The following COL2A1 variants were observed in gnomAD, a reference collection of about 807,000 sequenced individuals.
COL2A1 encodes the protein collagen alpha-1(II) chain.
In COL2A1, 28 loss-of-function variants were observed where a neutral mutation model predicts 204.5. The observed-to-expected ratio is 0.14, with a 90% CI of 0.10 to 0.19. The LOEUF is 0.19. Ranked by LOEUF, COL2A1 falls within the 10% of genes least tolerant of loss-of-function variation. The pLI is 1.00. For synonymous variants in COL2A1, 708 were observed against 718.7 expected, an observed-to-expected ratio of 0.99 and a Z score of 0.24; for missense variants, 1,388 against 2,027.5, an observed-to-expected ratio of 0.68 and a Z score of 6.06.
Position 47,973,032 on chromosome 12 carries a change from C to A in COL2A1, c.*375G>T. 1 of 522,724 alleles carries A rather than the reference C, an allele frequency of 1.9e-6. No homozygotes were observed. 32.4% of individuals were successfully genotyped at this position (522,724 alleles called of 1,614,324 possible). A position where few individuals can be genotyped will look rare whatever the true frequency, so the allele number is the denominator to read the frequency against. On this transcript the variant is annotated 3_prime_UTR_variant, in exon 54 of 54. Transcript: ENST00000380518. ...TTTTAAAAAATACAGAGGTGTTTGA[C>A]ACAGAATAGCACCATTGTGTAGGAC...
Position 47,978,882 on chromosome 12 carries a change from A to G in COL2A1, c.2734-124T>C. ...GGGGCTTCTCTACCTCCCCACACTA[A>G]GGGCAGGCAGCTTAACCCCCCCAAC... On this transcript the variant is annotated intron_variant, in intron 41 of 53. Transcript: ENST00000380518. This position sits in a 1 kb window ranked among gnomAD's most constrained non-coding sequence, Gnocchi z 5.5. 1.0e-6 allele frequency: 1 copy of G among 985,864 alleles called. No individual in the cohort carries two copies. The highest frequency in any genetic ancestry group is 1.6e-5 in the African/African-American group (1 of 62,464). 61.1% of individuals were successfully genotyped at this position (985,864 alleles called of 1,614,324 possible). A position where few individuals can be genotyped will look rare whatever the true frequency, so the allele number is the denominator to read the frequency against.
At position 47,985,538 on chromosome 12, in the gene COL2A1, G is replaced by C; in HGVS notation, c.1730C>G (p.Pro577Arg). 1 of 1,614,052 alleles carries C rather than the reference G, an allele frequency of 6.2e-7. No individual in the cohort carries two copies. The highest frequency in any genetic ancestry group is 8.5e-7 in the Non-Finnish European group (1 of 1,179,990). ...GCCCTCAGAGGATAGACTTACAGAA[G>C]GGCCAACTTTGCCTTGAGGACCAGC... ...GDAGPQGKVG[P>R]SGAPGEDGRP... The change falls in exon 26 of 54, where the codon CCT becomes CGT. Residue 577 changes from proline (P) to arginine (R), a missense_variant. Coordinates refer to ENST00000380518, the MANE Select transcript of COL2A1 (RefSeq NM_001844.5).
chr12:47,975,837 G>A (rs1938679929), intron 50 of COL2A1, 126 bp downstream of exon 50: 1 of 877,100 alleles, frequency 1.1e-6, no homozygotes. Flanking sequence ...GGAGACCTCA[G>A]GATAAAGGAT....
Position 47,981,411 on chromosome 12 carries a change from G to A in COL2A1, c.2410-15C>T. The A allele has an allele frequency of 6.2e-7, 1 of 1,607,248 alleles. No individual in the cohort carries two copies. Among genetic ancestry groups the A allele is most frequent in the South Asian group, 1.1e-5 (1 of 89,296 alleles). On this transcript the variant is annotated splice_polypyrimidine_tract_variant and intron_variant, in intron 36 of 53. Transcript: ENST00000380518. ...CCAACTTCTCCCTGAGGGTGGGGAA[G>A]GGAGGAAGAGCTGGGGTAAGAAGGT...
chr12:47,996,701 G>A (rs1345350294), intron 7 of COL2A1, 76 bp from the exon 8 acceptor site: 8 of 1,127,616 alleles, frequency 7.1e-6, no homozygotes, highest in Non-Finnish European at 1.1e-5. Context: ...AGCTCTATAT[G>A]GATACAAAGA....
Position 47,980,117 on chromosome 12 carries a change from CTTCTGTCTGA to C in COL2A1, c.2626-65_2626-56del, listed in dbSNP as rs1938965689. The C allele has an allele frequency of 7.5e-6, 11 of 1,466,762 alleles. No individual in the cohort carries two copies. The South Asian group carries it at 9.7e-5, about 13-fold the overall frequency. The allele number at this position is 1,466,762 out of a possible 1,614,324, so 90.9% of individuals were successfully genotyped here. On this transcript the variant is annotated intron_variant, in intron 39 of 53. Coordinates refer to ENST00000380518, the MANE Select transcript of COL2A1 (RefSeq NM_001844.5). This position sits in a 1 kb window ranked among gnomAD's most constrained non-coding sequence, Gnocchi z 4.5. ...CCAGTGGCCCAAGGAAGACGGTGGG[CTTCTGTCTGA>C]GCCCCAACAATGGACCCCTGAGGTT...
In COL2A1 at chr12:47,987,079, G is replaced by C; in HGVS notation, c.1364C>G (p.Thr455Arg). Residue 455 changes from threonine (T) to arginine (R), a missense_variant and splice_region_variant, in exon 21 of 54, where the codon ACG (threonine) becomes AGG (arginine). This residue lies in a region of COL2A1 where 884 missense variants were observed against 1,415.8 expected (regional missense o/e 0.62). Coordinates refer to ENST00000380518, the MANE Select transcript of COL2A1 (RefSeq NM_001844.5). This position sits in a 1 kb window ranked among gnomAD's most constrained non-coding sequence, Gnocchi z 4.1. Reference sequence around the variant, plus strand: ...TTGGGGGTCACTTTGGGCTCTTACCGTCTGACCTTTCGGGCCCAGAGGACC... The same window carrying C: ...TTGGGGGTCACTTTGGGCTCTTACCCTCTGACCTTTCGGGCCCAGAGGACC... The part of the protein sequence containing the change: ...ATGPLGPKGQ[T>R]GEPGIAGFKG... The C allele has an allele frequency of 6.2e-7, 1 of 1,613,890 alleles. No homozygotes were observed. The highest frequency in any genetic ancestry group is 1.3e-5 in the African/African-American group (1 of 75,006).
chr12:47,997,469 C>G, intron 7 of COL2A1, 137 bp downstream of exon 7: 1 of 1,504,984 alleles, frequency 6.6e-7, no homozygotes, highest in South Asian at 1.1e-5. Context: ...AATTACAGGC[C>G]TGAGGGCAAA....
rs142168567 is a variant in COL2A1, at chr12:47,975,376, C to A, written c.3827G>T (p.Arg1276Leu). The change falls in exon 51 of 54, where the codon CGC (arginine) becomes CTC (leucine). Residue 1276 changes from arginine (R) to leucine (L), a missense_variant. By Grantham distance (102) the Arg-to-Leu change is moderately radical. Transcript: ENST00000380518. ...TCTGCAGGTGCGAGCAGGGTTCTTG[C>A]GGGAGCCCTCGGGGCTGCGGATGCT... ...IESIRSPEGS[R>L]KNPARTCRDL... 5.4e-5 allele frequency: 87 copies of A among 1,614,044 alleles called. No homozygotes were observed. The highest frequency in any genetic ancestry group is 1.6e-4 in the Middle Eastern group (1 of 6,078).
At chr12:48,005,884 G>C (rs1592245964), upstream of COL2A1, among the ~76,000 whole-genome samples, 3 of 152,346 alleles carry the variant, frequency 2.0e-5, no homozygotes, top group Middle Eastern at 0.01. Flanking sequence ...GGGGTCCTGG[G>C]ACCCCATCCC....
intron 26 of COL2A1, 98 bp downstream of exon 26, chr12:47,985,436 A>T (rs1367722063): frequency 6.5e-6 from 8 of 1,239,180 alleles, no homozygotes; most frequent in Non-Finnish European, 9.5e-6. Flanking sequence ...AATTCACAGT[A>T]CTTCAGGCCT....
At chr12:47,998,326 T>C (rs973602329) in intron 3 of COL2A1, 89 bp downstream of exon 3, 1 of 1,526,026 alleles carries the variant, frequency 6.6e-7, no homozygotes, top group African/African-American at 1.4e-5. Context: ...GTCTAAAAAA[T>C]CACAGACTGG....
intron 34 of COL2A1, 138 bp from the exon 35 acceptor site, chr12:47,982,298 A>G (rs1939136966): frequency 1.2e-6 from 1 of 845,476 alleles, no homozygotes; most frequent in African/African-American, 1.7e-5. Context: ...AGGGTGGGTG[A>G]GGAGCAGCAG....
At chr12:47,985,469 C>A in intron 26 of COL2A1, 65 bp downstream of exon 26, 2 of 1,546,950 alleles carry the variant, frequency 1.3e-6, no homozygotes, top group South Asian at 2.2e-5. Flanking sequence ...CTCCATCTCT[C>A]TTTTCCCTTG....
At position 47,974,732 on chromosome 12, in the gene COL2A1, G is replaced by C; in HGVS notation, c.4017C>G (p.Ser1339Arg). Reference protein sequence around the residue: ...ANVPKKNWWSSKSKEKKHIWF... With the variant: ...ANVPKKNWWSRKSKEKKHIWF... ...AGATGTGTTTCTTCTCCTTGCTCTTGCTGCTCCACCAGTTCTTCTTGGGAA... is the reference window on the plus strand; with the variant it reads ...AGATGTGTTTCTTCTCCTTGCTCTTCCTGCTCCACCAGTTCTTCTTGGGAA... The change falls in exon 52 of 54, where the codon AGC becomes AGG. Residue 1339 changes from serine to arginine, a missense_variant. This residue lies in a region of COL2A1 where 303 missense variants were observed against 369.2 expected (regional missense o/e 0.82). Transcript: ENST00000380518. 1 of 1,614,212 alleles carries C rather than the reference G, an allele frequency of 6.2e-7. No individual in the cohort carries two copies. Among genetic ancestry groups the C allele is most frequent in the Non-Finnish European group, 8.5e-7 (1 of 1,180,040 alleles).
intron 10 of COL2A1, 62 bp from the exon 11 acceptor site, chr12:47,995,370 CA>C: frequency 1.4e-6 from 2 of 1,399,060 alleles, no homozygotes; most frequent in East Asian, 4.6e-5. Flanking sequence ...AAGCAATGGA[CA>C]AAACTTTGAC....
At chr12:47,986,138 C>G (rs1939391301) in intron 23 of COL2A1, among the ~76,000 whole-genome samples, 173 bp from the exon 24 acceptor site, 1 of 152,288 alleles carries the variant, frequency 6.6e-6, no homozygotes, top group Non-Finnish European at 1.5e-5. Flanking sequence ...TGGGAAGGAG[C>G]TCAGACTATT....
chr12:47,979,105 T>A (rs1635557), intron 41 of COL2A1, among the ~76,000 whole-genome samples: 2 of 151,986 alleles, frequency 1.3e-5, no homozygotes, highest in African/African-American at 2.4e-5. Context: ...CCCAGCACTC[T>A]CTCCCTCTGC....
chr12:47,987,537 A>G lies in COL2A1; in HGVS notation c.1221+74T>C. 1.5e-6 allele frequency: 2 copies of G among 1,352,868 alleles called. No individual in the cohort carries two copies. The highest frequency in any genetic ancestry group is 1.0e-6 in the Non-Finnish European group (1 of 962,908). The allele number at this position is 1,352,868 out of a possible 1,614,324, so 83.8% of individuals were successfully genotyped here. Reference sequence around the variant, plus strand: ...GGTGGTTGGAGCCCACAACTGTCAGAGCAAAGTACAGAGTCAAGAGTTCCA... The same window carrying G: ...GGTGGTTGGAGCCCACAACTGTCAGGGCAAAGTACAGAGTCAAGAGTTCCA... On this transcript the variant is annotated intron_variant, in intron 19 of 53. Coordinates refer to ENST00000380518, the MANE Select transcript of COL2A1 (RefSeq NM_001844.5). The surrounding 1 kb of genome is among the most constrained non-coding windows in gnomAD (Gnocchi z 4.1).
Sources: gnomAD v4.1 joint callset for allele counts (sites outside exome capture counted in the v4.1 genomes callset) on GRCh38, gnomAD v4.1.1 for gene constraint, gnomAD v4.1.1 regional missense constraint, Gnocchi (gnomAD v3.1) non-coding constraint, MANE v1.5 for transcripts, NCBI Gene and HGNC (gene_info 2026-07-23, HGNC 2026-07-21) for gene names.